Variants in METTL3 observed in about 807,000 individuals in gnomAD.
The protein encoded by METTL3 is methyltransferase 3, N6-adenosine-methyltransferase complex catalytic subunit, also known as N(6)-adenosine-methyltransferase catalytic subunit METTL3.
In METTL3, 42 loss-of-function variants were observed where a neutral mutation model predicts 64.3. The ratio of observed to expected loss-of-function variants is 0.65; its 90% CI spans 0.51 to 0.84. METTL3 has a LOEUF of 0.84. METTL3 is among the 40% of genes least tolerant of loss of function. The pLI, the probability that METTL3 is intolerant of heterozygous loss-of-function variation, is 0.00. For missense variants in METTL3, 435 were observed against 722.3 expected (o/e 0.60, Z 4.56); for synonymous variants, 256 against 263.6 (o/e 0.97, Z 0.28).
intron 6 of METTL3, 128 bp downstream of exon 6, chr14:21,500,367 A>C: frequency 1.2e-6 from 1 of 840,326 alleles, no homozygotes; most frequent in East Asian, 2.9e-5. Flanking sequence ...CTCTCAAAAA[A>C]AAAGAAAAAA....
chr14:21,505,865 A>C (rs1028134948), intron 1 of METTL3, among the ~76,000 whole-genome samples: 7 of 151,080 alleles, frequency 4.6e-5, no homozygotes, highest in African/African-American at 1.7e-4. Flanking sequence ...AAAATAATAC[A>C]TAACACTTGA....
intron 6 of METTL3, among the ~76,000 whole-genome samples, chr14:21,500,266 A>G (rs1296487822): frequency 6.6e-6 from 1 of 152,152 alleles, no homozygotes; most frequent in East Asian, 1.9e-4. Context: ...CAGGAGGCTG[A>G]GGCAGGAGAA....
chr14:21,499,507 C>A lies in METTL3; in HGVS notation c.1437G>T (p.Gly479=). 6.2e-7 allele frequency: 1 copy of A among 1,614,044 alleles called. No homozygotes were observed. Among genetic ancestry groups the A allele is most frequent in the Non-Finnish European group, 8.5e-7 (1 of 1,179,872 alleles). ...TGCTGCTCACCAAGCAGTGTTCCTTCCCATGGTTCAACCAGTGACCTGTAC... is the reference window on the plus strand; with the variant it reads ...TGCTGCTCACCAAGCAGTGTTCCTTACCATGGTTCAACCAGTGACCTGTAC... ...TGRTGHWLNH[G]KEHCLVGVKG... is the part of the protein sequence containing the mutation. The change falls in exon 8 of 11, where the codon GGG becomes GGT. Residue 479 remains glycine, a synonymous_variant. Coordinates refer to ENST00000298717, the MANE Select transcript of METTL3 (RefSeq NM_019852.5).
intron 7 of METTL3, 43 bp from the exon 8 acceptor site, chr14:21,499,643 A>C (rs1207741806): frequency 6.3e-7 from 1 of 1,593,776 alleles, no homozygotes; most frequent in Admixed American, 1.7e-5. Flanking sequence ...CCAAACTTTT[A>C]CAGTTTAGGG....
intron 6 of METTL3, 36 bp from the exon 7 acceptor site, chr14:21,499,838 C>G (rs374395863): frequency 1.2e-5 from 20 of 1,602,718 alleles, no homozygotes; most frequent in Admixed American, 1.7e-5. Flanking sequence ...ATTTGTATGC[C>G]CATATTTTTT....
chr14:21,501,077 TAAGGA>T lies in METTL3; in HGVS notation c.947_951del (p.Phe316Ter). The T allele has an allele frequency of 6.2e-7, 1 of 1,614,100 alleles. No homozygotes were observed. The highest frequency in any genetic ancestry group is 1.1e-5 in the South Asian group (1 of 91,084). ...CAGGTATCCATGTGGAAACATGTAT[TAAGGA>T]AAGAGCAGTCACCTAAAGACTCATC... is the stretch of plus-strand genomic sequence containing the variant. On this transcript the variant is annotated frameshift_variant, in exon 5 of 11. Coordinates refer to ENST00000298717, the MANE Select transcript of METTL3 (RefSeq NM_019852.5). LOFTEE classifies it high-confidence loss of function.
intron 1 of METTL3, among the ~76,000 whole-genome samples, chr14:21,507,205 A>AAAT (rs1891719049): frequency 6.6e-6 from 1 of 151,920 alleles, no homozygotes; most frequent in South Asian, 2.1e-4. Flanking sequence ...ATAAATAAAT[A>AAAT]AATAATAAAA....
At chr14:21,505,636 C>T (rs1261753656) in intron 1 of METTL3, among the ~76,000 whole-genome samples, 1 of 152,132 alleles carries the variant, frequency 6.6e-6, no homozygotes, top group African/African-American at 2.4e-5. Context: ...AAACTTTTCA[C>T]GTGCAAAGTT....
chr14:21,507,045 G>A (rs1031152642), intron 1 of METTL3, among the ~76,000 whole-genome samples: 1 of 152,040 alleles, frequency 6.6e-6, no homozygotes, highest in Non-Finnish European at 1.5e-5. Context: ...CCTTCCAAAG[G>A]CTGTGGACAC....
At chr14:21,511,101 G>A (rs776599227) in intron 1 of METTL3, 23 bp downstream of exon 1, 1 of 1,611,582 alleles carries the variant, frequency 6.2e-7, no homozygotes, top group African/African-American at 1.3e-5. Flanking sequence ...TTGAGCCTCG[G>A]CCCCAACAGC....
At chr14:21,500,873 A>C (rs750022434) in intron 5 of METTL3, 40 bp downstream of exon 5, 1 of 1,580,584 alleles carries the variant, frequency 6.3e-7, no homozygotes, top group Non-Finnish European at 8.7e-7. Context: ...ATCAAACATA[A>C]GTCCGTAAGT....
intron 1 of METTL3, among the ~76,000 whole-genome samples, chr14:21,505,149 T>G (rs1196285697): frequency 6.6e-6 from 1 of 151,526 alleles, no homozygotes; most frequent in Non-Finnish European, 1.5e-5. Flanking sequence ...TAAAGAAAAT[T>G]TTTTTAAAAA....
At chr14:21,506,360 T>C (rs1280081426) in intron 1 of METTL3, among the ~76,000 whole-genome samples, 2 of 151,872 alleles carry the variant, frequency 1.3e-5, no homozygotes, top group Non-Finnish European at 2.9e-5. Flanking sequence ...GAGACCATCC[T>C]GGCTAACACG....
chr14:21,507,388 G>A (rs1054128891), intron 1 of METTL3, among the ~76,000 whole-genome samples: 1 of 152,134 alleles, frequency 6.6e-6, no homozygotes, highest in Non-Finnish European at 1.5e-5. Context: ...GGCCGGGCGC[G>A]GTGGCTCACA....
At position 21,503,649 on chromosome 14, in the gene METTL3, C is replaced by A. The variant is rs746289899; in HGVS notation, c.318+15G>T. ...TGAAAATAAGTGGTAAATCCTAACT[C>A]TGTCAGGTCATTACCGTGGAGATGG... On this transcript the variant is annotated intron_variant, in intron 2 of 10. Coordinates refer to ENST00000298717, the MANE Select transcript of METTL3 (RefSeq NM_019852.5). 6.2e-7 allele frequency: 1 copy of A among 1,614,096 alleles called. No homozygotes were observed. Among genetic ancestry groups the A allele is most frequent in the South Asian group, 1.1e-5 (1 of 91,064 alleles).
At chr14:21,503,011 A>T (rs1891606878) in intron 3 of METTL3, 162 bp downstream of exon 3, 1 of 787,174 alleles carries the variant, frequency 1.3e-6, no homozygotes, top group Non-Finnish European at 2.0e-6. Flanking sequence ...GACAATAAAA[A>T]TGTCTCCGGA....
At chr14:21,501,311 T>C (rs1891562885) in intron 4 of METTL3, 182 bp from the exon 5 acceptor site, 5 of 600,960 alleles carry the variant, frequency 8.3e-6, no homozygotes, top group Admixed American at 3.1e-5. Context: ...TACAGAACAA[T>C]TGTAATTCCT....
intron 5 of METTL3, 45 bp from the exon 6 acceptor site, chr14:21,500,727 GATTCATGGCCCGAGTCCCT>G: frequency 6.4e-7 from 1 of 1,567,888 alleles, no homozygotes; most frequent in Non-Finnish European, 8.7e-7. Flanking sequence ...TTAACTCTGA[GATTCATGGCCCGAGTCCCT>G]CTTTTCCATT....
At chr14:21,499,245 C>T in intron 9 of METTL3, 61 bp downstream of exon 9, 12 of 1,601,444 alleles carry the variant, frequency 7.5e-6, no homozygotes, top group Non-Finnish European at 1.0e-5. Flanking sequence ...AGAATACACC[C>T]AACATGAATA....
Sources: gnomAD v4.1 joint callset for allele counts (sites outside exome capture counted in the v4.1 genomes callset) on GRCh38, gnomAD v4.1.1 for gene constraint, MANE v1.5 for transcripts, NCBI Gene and HGNC (gene_info 2026-07-23, HGNC 2026-07-21) for gene names.